COP1: variants seen among roughly 807,000 people sequenced by gnomAD.
COP1 encodes the protein E3 ubiquitin-protein ligase COP1.
In COP1, 24 loss-of-function variants were observed where a neutral mutation model predicts 101.3. The ratio of observed to expected loss-of-function variants is 0.24; its 90% confidence interval spans 0.17 to 0.33. COP1 has a LOEUF of 0.33. Among genes scored for constraint, COP1 ranks in the 10% least tolerant of loss-of-function variants. The pLI, the probability that COP1 is intolerant of heterozygous loss-of-function variation, is 1.00. For synonymous variants in COP1, 347 were observed against 341.9 expected, an observed-to-expected ratio of 1.01 and a Z score of -0.17; for missense variants, 663 against 906.2, an observed-to-expected ratio of 0.73 and a Z score of 3.45.
chr1:175,954,143 T>C (rs1327609734), intron 18 of COP1, among the ~76,000 whole-genome samples: 1 of 152,004 alleles, frequency 6.6e-6, no homozygotes, highest in Non-Finnish European at 1.5e-5. Context: ...CAAAAAGAAA[T>C]CTGGAAAAAT....
intron 3 of COP1, among the ~76,000 whole-genome samples, chr1:176,175,355 C>A (rs1204917271): frequency 1.3e-5 from 2 of 152,178 alleles, no homozygotes; most frequent in Non-Finnish European, 2.9e-5. Flanking sequence ...AGTCCCCAAC[C>A]TTTTTGGGAC....
intron 14 of COP1, among the ~76,000 whole-genome samples, chr1:176,038,200 A>C (rs1384674860): frequency 6.6e-6 from 1 of 152,210 alleles, no homozygotes; most frequent in Non-Finnish European, 1.5e-5. Flanking sequence ...AATACCTGCG[A>C]AACTTGCATG....
intron 15 of COP1, among the ~76,000 whole-genome samples, chr1:176,023,817 G>A (rs369057317): frequency 6.6e-6 from 1 of 151,514 alleles, no homozygotes; most frequent in Non-Finnish European, 1.5e-5. Context: ...TCCAAGCCCA[G>A]ACAGTTTCTC....
intron 15 of COP1, among the ~76,000 whole-genome samples, chr1:175,999,251 A>G (rs1661023222): frequency 6.6e-6 from 1 of 152,050 alleles, no homozygotes; most frequent in Non-Finnish European, 1.5e-5. Context: ...TTCCCCCAAC[A>G]GCCCAAGTAC....
At chr1:176,184,306 A>G (rs791743) in intron 2 of COP1, among the ~76,000 whole-genome samples, 41,969 of 151,878 alleles carry the variant, frequency 0.28, 6,795 homozygotes, top group East Asian at 0.52. Flanking sequence ...TATCCCCACA[A>G]GTGAGTAATT....
intron 10 of COP1, among the ~76,000 whole-genome samples, chr1:176,081,811 T>G (rs991044866): frequency 6.6e-6 from 1 of 152,076 alleles, no homozygotes; most frequent in African/African-American, 2.4e-5. Flanking sequence ...AGGAAGACAG[T>G]AGAAAACTGC....
At chr1:175,965,761 G>C (rs1004893386) in intron 18 of COP1, among the ~76,000 whole-genome samples, 1 of 151,838 alleles carries the variant, frequency 6.6e-6, no homozygotes, top group Non-Finnish European at 1.5e-5. Context: ...GCTAATTTTT[G>C]TATTTGGAGA....
At chr1:176,144,928 G>GA (rs1691329502) in intron 6 of COP1, among the ~76,000 whole-genome samples, 1 of 152,058 alleles carries the variant, frequency 6.6e-6, no homozygotes, top group African/African-American at 2.4e-5. Flanking sequence ...GAACAGCATA[G>GA]AAAAATGTCT....
intron 3 of COP1, among the ~76,000 whole-genome samples, chr1:176,168,404 T>C (rs1481764730): frequency 1.2e-5 from 1 of 83,330 alleles, no homozygotes; most frequent in African/African-American, 5.0e-5. Context: ...GACAGCTGGG[T>C]GGGTGGGGGG....
chr1:176,084,453 AT>A (rs1411872848), intron 10 of COP1, among the ~76,000 whole-genome samples: 2 of 152,202 alleles, frequency 1.3e-5, no homozygotes, highest in Non-Finnish European at 2.9e-5. Context: ...ATTCAATACC[AT>A]CCCCATCAAG....
intron 15 of COP1, among the ~76,000 whole-genome samples, chr1:176,018,222 T>C (rs1666024729): frequency 6.6e-6 from 1 of 152,240 alleles, no homozygotes; most frequent in Admixed American, 6.5e-5. Context: ...GCAATTGTGA[T>C]ATTCTCCTAG....
chr1:176,206,922 C>T lies in COP1; in HGVS notation c.57G>A (p.Ser19=). ...SGSAGTSPGS[S]AASSVTSASS... ...AGGCGGAAGTCACCGAGGAGGCCGCCGAGGACCCGGGGCTTGTCCCAGCGG... is the reference window on the plus strand; with the variant it reads ...AGGCGGAAGTCACCGAGGAGGCCGCTGAGGACCCGGGGCTTGTCCCAGCGG... Residue 19 remains serine (S), a synonymous_variant, in exon 1 of 20, where the codon TCG becomes TCA. Transcript: ENST00000367669. 2 of 1,463,542 alleles carry T rather than the reference C, an allele frequency of 1.4e-6. No homozygotes were observed. The highest frequency in any genetic ancestry group is 2.4e-5 in the Admixed American group (1 of 40,862). 90.7% of individuals were successfully genotyped at this position (1,463,542 alleles called of 1,614,324 possible).
intron 6 of COP1, among the ~76,000 whole-genome samples, chr1:176,142,895 T>C (rs1450243201): frequency 6.6e-6 from 1 of 151,898 alleles, no homozygotes; most frequent in African/African-American, 2.4e-5. Flanking sequence ...CCTAAATGCC[T>C]ACATTAGAAA....
At chr1:176,003,568 T>A (rs571175121) in intron 15 of COP1, among the ~76,000 whole-genome samples, 24 of 151,518 alleles carry the variant, frequency 1.6e-4, no homozygotes, top group Non-Finnish European at 1.5e-5. Context: ...TTTCTACATA[T>A]GGCTAGCCAG....
intron 9 of COP1, among the ~76,000 whole-genome samples, chr1:176,115,518 G>C (rs570559789): frequency 6.6e-6 from 1 of 152,188 alleles, no homozygotes; most frequent in South Asian, 2.1e-4. Context: ...AGAGGTCAAG[G>C]GGGGAGGATC....
At chr1:176,093,838 TCAAAACAAAA>T (rs537553723) in intron 9 of COP1, among the ~76,000 whole-genome samples, 71 of 150,006 alleles carry the variant, frequency 4.7e-4, no homozygotes, top group African/African-American at 1.4e-3. Flanking sequence ...AGACTCTGTC[TCAAAACAAAA>T]CAAAACAAAA....
At chr1:176,063,161 G>A (rs1209920668) in intron 11 of COP1, among the ~76,000 whole-genome samples, 3 of 139,654 alleles carry the variant, frequency 2.1e-5, no homozygotes, top group Non-Finnish European at 4.5e-5. Flanking sequence ...CTGGGTTCAC[G>A]CCATTCTCCT....
At chr1:176,173,041 G>A (rs565015753) in intron 3 of COP1, among the ~76,000 whole-genome samples, 86 of 152,136 alleles carry the variant, frequency 5.7e-4, no homozygotes, top group Admixed American at 1.6e-3. Context: ...GGCCAGGGGC[G>A]GTGGCTCACA....
chr1:176,020,700 A>T (rs1666616577), intron 15 of COP1, among the ~76,000 whole-genome samples: 1 of 152,178 alleles, frequency 6.6e-6, no homozygotes, highest in Non-Finnish European at 1.5e-5. Flanking sequence ...ACGAAATTAT[A>T]TTGTGGGCTT....
Sources: allele counts gnomAD v4.1 joint callset (sites outside exome capture counted in the v4.1 genomes callset), GRCh38; gene constraint gnomAD v4.1.1; transcripts MANE v1.5; gene names NCBI Gene and HGNC (gene_info 2026-07-23, HGNC 2026-07-21).